SLC15A2: variants seen among roughly 807,000 people sequenced by gnomAD.
The protein encoded by SLC15A2 is kidney H(+)/peptide cotransporter.
Under a neutral mutation model 95.5 loss-of-function variants are expected in SLC15A2, and 77 were observed. That is an observed-to-expected ratio of 0.81 (90% CI 0.67 to 0.97). SLC15A2 has a LOEUF of 0.97. Ranked by LOEUF, SLC15A2 falls within the 50% of genes least tolerant of loss-of-function variation. The probability of loss-of-function intolerance (pLI) is 0.00; values close to 1 mark genes in which losing one functional copy is unlikely to be tolerated. For missense variants in SLC15A2, 893 were observed against 874.4 expected (o/e 1.02, Z -0.27); for synonymous variants, 306 against 306.9 (o/e 1.00, Z 0.03).
intron 13 of SLC15A2, among the ~76,000 whole-genome samples, chr3:121,926,881 G>C (rs1337550502): frequency 1.3e-5 from 2 of 152,258 alleles, no homozygotes; most frequent in Non-Finnish European, 2.9e-5. Flanking sequence ...CCTTGTATTG[G>C]TGTGCCCTGA....
At chr3:121,899,605 GTAATA>G (rs1443309428) in intron 3 of SLC15A2, among the ~76,000 whole-genome samples, 1 of 152,074 alleles carries the variant, frequency 6.6e-6, no homozygotes, top group Non-Finnish European at 1.5e-5. Context: ...TTATGGTAGA[GTAATA>G]TAATATAATG....
intron 3 of SLC15A2, among the ~76,000 whole-genome samples, chr3:121,909,723 A>G (rs1247827644): frequency 6.6e-6 from 1 of 152,158 alleles, no homozygotes; most frequent in Non-Finnish European, 1.5e-5. Flanking sequence ...AAGCTTGTCC[A>G]ACCTGCAGCC....
chr3:121,934,395 G>A (rs1407196128), intron 19 of SLC15A2, among the ~76,000 whole-genome samples: 1 of 151,990 alleles, frequency 6.6e-6, no homozygotes, highest in East Asian at 1.9e-4. Context: ...CTACCCATGA[G>A]CATGGAATGT....
At chr3:121,907,703 T>C (rs1020952535) in intron 3 of SLC15A2, among the ~76,000 whole-genome samples, 2 of 152,230 alleles carry the variant, frequency 1.3e-5, no homozygotes, top group African/African-American at 2.4e-5. Flanking sequence ...ACAGCAAATA[T>C]TGCAGAACAG....
At chr3:121,936,497 T>G (rs1303620563) in intron 19 of SLC15A2, among the ~76,000 whole-genome samples, 2 of 151,952 alleles carry the variant, frequency 1.3e-5, no homozygotes, top group Non-Finnish European at 1.5e-5. Context: ...TCTTGTTGAA[T>G]TGATCCCTTT....
chr3:121,923,271 G>A lies in SLC15A2; in HGVS notation c.1002+5G>A. The A allele has an allele frequency of 1.2e-6, 2 of 1,613,400 alleles. No homozygotes were observed. The highest frequency in any genetic ancestry group is 1.7e-6 in the Non-Finnish European group (2 of 1,179,584). ...ATCAGGATGAATAGGAATTTGGTGA[G>A]TAGAAGAGATTTTCCAGAGAAGTCT... is the stretch of plus-strand genomic sequence containing the variant. On this transcript the variant is annotated splice_donor_5th_base_variant and intron_variant, in intron 11 of 21. Coordinates refer to ENST00000489711, the MANE Select transcript of SLC15A2 (RefSeq NM_021082.4).
chr3:121,909,524 T>A (rs756605053), intron 3 of SLC15A2, among the ~76,000 whole-genome samples: 12 of 152,244 alleles, frequency 7.9e-5, no homozygotes, highest in Non-Finnish European at 1.8e-4. Flanking sequence ...TTTTCAGGTC[T>A]CTTGACTTCT....
Position 121,894,531 on chromosome 3 carries a change from A to T in SLC15A2, c.55A>T (p.Ile19Phe). 6.2e-7 allele frequency: 1 copy of T among 1,614,052 alleles called. No homozygotes were observed. Among genetic ancestry groups the T allele is most frequent in the Non-Finnish European group, 8.5e-7 (1 of 1,179,954 alleles). Residue 19 changes from isoleucine to phenylalanine, a missense_variant, in exon 1 of 22, where the codon ATT becomes TTT. Transcript: ENST00000489711. ...SKETLFSPVS[I>F]EEVPPRPPSP... ...GGAAACTCTTTTTTCACCTGTCTCC[A>T]TTGAAGAGGTACCACCTCGACCACC...
At chr3:121,928,287 A>G in intron 14 of SLC15A2, 134 bp from the exon 15 acceptor site, 1 of 1,154,824 alleles carries the variant, frequency 8.7e-7, no homozygotes, top group Admixed American at 2.5e-5. Flanking sequence ...TTCTAAGCCA[A>G]ATATTTTTCA....
chr3:121,896,601 C>T, intron 2 of SLC15A2, 108 bp downstream of exon 2: 2 of 866,638 alleles, frequency 2.3e-6, no homozygotes, highest in Admixed American at 1.9e-5. Context: ...TCCACTCTTT[C>T]TGCCTTGGTC....
chr3:121,933,225 T>A (rs1293785905), intron 19 of SLC15A2, among the ~76,000 whole-genome samples: 1 of 150,782 alleles, frequency 6.6e-6, no homozygotes, highest in African/African-American at 2.5e-5. Flanking sequence ...TAAACATATG[T>A]GTGCATGTGT....
At chr3:121,937,835 G>T (rs1710378359) in intron 19 of SLC15A2, among the ~76,000 whole-genome samples, 1 of 152,072 alleles carries the variant, frequency 6.6e-6, no homozygotes, top group South Asian at 2.1e-4. Flanking sequence ...GAGGAGGAGA[G>T]GTGCTCTGCT....
chr3:121,911,804 T>TGACC (rs1315656424), intron 4 of SLC15A2, 138 bp downstream of exon 4: 8 of 654,162 alleles, frequency 1.2e-5, no homozygotes, highest in Non-Finnish European at 5.4e-6. Context: ...AACAGTCTTA[T>TGACC]GACCAGTTGA....
chr3:121,912,140 A>T (rs1709779677), intron 4 of SLC15A2, among the ~76,000 whole-genome samples: 1 of 152,340 alleles, frequency 6.6e-6, no homozygotes. Flanking sequence ...AGAGAGGATT[A>T]CAGCTGTTCA....
At chr3:121,935,274 C>T (rs956170826) in intron 19 of SLC15A2, among the ~76,000 whole-genome samples, 1 of 152,114 alleles carries the variant, frequency 6.6e-6, no homozygotes, top group Admixed American at 6.5e-5. Context: ...TGATGCTGGC[C>T]TCATAAAATG....
chr3:121,912,134 A>G (rs1268138878), intron 4 of SLC15A2, among the ~76,000 whole-genome samples: 1 of 152,190 alleles, frequency 6.6e-6, no homozygotes, highest in African/African-American at 2.4e-5. Flanking sequence ...GTCAGTAGAG[A>G]GGATTACAGC....
chr3:121,934,437 C>G (rs941416872), intron 19 of SLC15A2, among the ~76,000 whole-genome samples: 1 of 150,566 alleles, frequency 6.6e-6, no homozygotes, highest in African/African-American at 2.4e-5. Context: ...CTTTTATTTC[C>G]TTGAGCAGTG....
At position 121,928,986 on chromosome 3, in the gene SLC15A2, C is replaced by T. The variant is rs1329956768; in HGVS notation, c.1346C>T (p.Thr449Ile). The T allele has an allele frequency of 6.2e-7, 1 of 1,613,628 alleles. No homozygotes were observed. The highest frequency in any genetic ancestry group is 8.5e-7 in the Non-Finnish European group (1 of 1,179,808). ...LIESIKSFQK[T>I]PHYSKLHLKT... ...TTTATATTCTTCATTTTACAGAAAA[C>T]ACCACACTATTCCAAACTGCACCTG... Residue 449 changes from threonine (T) to isoleucine (I), a missense_variant, in exon 16 of 22, where the codon ACA (threonine) becomes ATA (isoleucine). Thr to Ile is a moderately conservative substitution (Grantham distance 89). Coordinates refer to ENST00000489711, the MANE Select transcript of SLC15A2 (RefSeq NM_021082.4).
chr3:121,939,775 G>T (rs879700023), intron 20 of SLC15A2, among the ~76,000 whole-genome samples: 9 of 152,044 alleles, frequency 5.9e-5, no homozygotes, highest in African/African-American at 2.2e-4. Flanking sequence ...ATGACCTATT[G>T]TGTAACCTTG....
Sources: gnomAD v4.1 joint callset for allele counts (sites outside exome capture counted in the v4.1 genomes callset) on GRCh38, gnomAD v4.1.1 for gene constraint, MANE v1.5 for transcripts, NCBI Gene and HGNC (gene_info 2026-07-23, HGNC 2026-07-21) for gene names.